FABP12: variants seen among roughly 807,000 people sequenced by gnomAD.
FABP12 encodes fatty acid-binding protein 12.
Under a neutral mutation model 13.7 loss-of-function variants are expected in FABP12, and 19 were observed. That is an observed-to-expected ratio of 1.39 (90% CI 0.97 to 2.04). The LOEUF (loss-of-function observed/expected upper bound fraction) is 2.04, where lower values mean the gene tolerates loss of function less well. Among genes scored for constraint, FABP12 ranks in the 30% most tolerant of loss-of-function variants. The pLI, the probability that FABP12 is intolerant of heterozygous loss-of-function variation, is 0.00. For missense variants in FABP12, 182 were observed against 164.2 expected, an observed-to-expected ratio of 1.11 and a Z score of -0.59; for synonymous variants, 61 against 57.0, an observed-to-expected ratio of 1.07 and a Z score of -0.32.
chr8:81,533,538 C>T (rs1358636492), intron 1 of FABP12, among the ~76,000 whole-genome samples: 14 of 152,186 alleles, frequency 9.2e-5, no homozygotes, highest in Admixed American at 9.2e-4. Context: ...AGGTGCATGA[C>T]TCTGAGCTTT....
At chr8:81,548,511 G>A (rs1236154512) in intron 1 of FABP12, among the ~76,000 whole-genome samples, 1 of 152,146 alleles carries the variant, frequency 6.6e-6, no homozygotes, top group African/African-American at 2.4e-5. Flanking sequence ...AGGGAATGTC[G>A]AGGGGCCACT....
intron 1 of FABP12, among the ~76,000 whole-genome samples, chr8:81,572,364 C>T (rs568000026): frequency 1.3e-5 from 2 of 152,244 alleles, no homozygotes; most frequent in African/African-American, 4.8e-5. Context: ...GATTGATGGG[C>T]ATTTGGGTTT....
At chr8:81,584,990 G>C (rs1323315930) in intron 1 of FABP12, among the ~76,000 whole-genome samples, 3 of 152,104 alleles carry the variant, frequency 2.0e-5, no homozygotes, top group Non-Finnish European at 2.9e-5. Context: ...TAAATCCCTT[G>C]TCAGATGGAT....
intron 1 of FABP12, among the ~76,000 whole-genome samples, chr8:81,567,841 G>GCAA (rs1809855682): frequency 6.6e-6 from 1 of 152,214 alleles, no homozygotes; most frequent in African/African-American, 2.4e-5. Context: ...TTTCCACACG[G>GCAA]CCGGGCGCGG....
rs369124894 is a variant in FABP12, at chr8:81,529,577, A to C, written c.107T>G (p.Leu36Trp). 4.9e-5 allele frequency: 79 copies of C among 1,613,932 alleles called. 1 individual carries two copies. The South Asian group carries it at 7.9e-4, about 16-fold the overall frequency. Residue 36 changes from leucine to tryptophan, a missense_variant, in exon 3 of 5, where the codon TTG becomes TGG. Coordinates refer to ENST00000360464, the Ensembl canonical transcript of FABP12. ...ACTGATGGTCACAGTGGGTTTTGCC[A>C]AACGGCCCAGTTTCCTGCTGGCTCT...
At chr8:81,531,886 G>T (rs1052384803) in intron 1 of FABP12, among the ~76,000 whole-genome samples, 4 of 151,806 alleles carry the variant, frequency 2.6e-5, no homozygotes, top group African/African-American at 4.8e-5. Context: ...TGTGCACAAT[G>T]AAAAAGAGAA....
At chr8:81,577,577 G>A (rs2130092800) in intron 1 of FABP12, among the ~76,000 whole-genome samples, 1 of 152,154 alleles carries the variant, frequency 6.6e-6, no homozygotes, top group Admixed American at 6.5e-5. Flanking sequence ...TGGTCAACAG[G>A]GCAAAACCTT....
At chr8:81,565,705 G>A (rs114273162) in intron 1 of FABP12, among the ~76,000 whole-genome samples, 2,183 of 152,040 alleles carry the variant, frequency 0.014, 43 homozygotes, top group African/African-American at 0.049. Flanking sequence ...ATCAGTATAA[G>A]CACCTACATC....
chr8:81,567,996 T>G (rs927326867), intron 1 of FABP12, among the ~76,000 whole-genome samples: 33 of 151,848 alleles, frequency 2.2e-4, no homozygotes, highest in Admixed American at 1.6e-3. Flanking sequence ...GGTGGCGGGC[T>G]CCTGTAGTCC....
chr8:81,555,273 A>G (rs906482575), intron 1 of FABP12, among the ~76,000 whole-genome samples: 1 of 152,214 alleles, frequency 6.6e-6, no homozygotes, highest in Admixed American at 6.5e-5. Flanking sequence ...ACAGGAGAGA[A>G]CAAGACAAAG....
At chr8:81,554,393 G>C (rs1809573374) in intron 1 of FABP12, among the ~76,000 whole-genome samples, 1 of 152,140 alleles carries the variant, frequency 6.6e-6, no homozygotes. Flanking sequence ...AGAGATTGTG[G>C]GGGATTTTCC....
intron 1 of FABP12, among the ~76,000 whole-genome samples, chr8:81,585,291 T>C (rs1810225101): frequency 1.3e-5 from 2 of 152,202 alleles, no homozygotes; most frequent in African/African-American, 4.8e-5. Flanking sequence ...CTATTTTTAT[T>C]CTTCTGCATA....
chr8:81,531,327 T>C (rs374675729), exon 2 of FABP12: 9 of 1,584,684 alleles, frequency 5.7e-6, no homozygotes, highest in Admixed American at 5.3e-5. Context: ...CTGTCTGAGA[T>C]AAGTTGATCT....
intron 1 of FABP12, chr8:81,533,402 C>A (rs1182941126): frequency 6.6e-6 from 1 of 152,384 alleles, no homozygotes; most frequent in African/African-American, 2.4e-5. Context: ...ACCAAACATT[C>A]TTGTCTGCAA....
intron 1 of FABP12, among the ~76,000 whole-genome samples, chr8:81,582,833 A>T (rs570697709): frequency 6.6e-6 from 1 of 152,232 alleles, no homozygotes; most frequent in Non-Finnish European, 1.5e-5. Context: ...TATTGGATTT[A>T]AACTGAACAT....
intron 1 of FABP12, among the ~76,000 whole-genome samples, chr8:81,560,452 G>GT (rs568375359): frequency 3.8e-4 from 57 of 151,946 alleles, no homozygotes; most frequent in South Asian, 1.0e-3. Context: ...CTTTTTTTCT[G>GT]TTTTTTGTGA....
intron 1 of FABP12, among the ~76,000 whole-genome samples, chr8:81,543,831 A>G (rs1439392753): frequency 2.0e-5 from 3 of 152,220 alleles, no homozygotes; most frequent in Non-Finnish European, 2.9e-5. Flanking sequence ...TTAAGAGTTC[A>G]TATCAGAAAT....
At chr8:81,586,677 T>G (rs960844470) in intron 1 of FABP12, among the ~76,000 whole-genome samples, 1 of 152,190 alleles carries the variant, frequency 6.6e-6, no homozygotes, top group African/African-American at 2.4e-5. Flanking sequence ...TTTGCCCACT[T>G]TTTTAATGGG....
rs138513473 is a variant in FABP12, at chr8:81,587,154, G to C, written c.-185+2899C>G. On this transcript the variant is annotated intron_variant, in intron 1 of 5. Coordinates refer to the FABP12 transcript ENST00000692030. ...TCTGACTTGTTACATTGGTCTATGT[G>C]TCTGTTTTTGGACCAGTACCATGCT... Among the ~76,000 whole-genome samples the C allele has an allele frequency of 6.4e-4, 98 of 152,234 alleles. 1 individual carries two copies. The highest frequency in any genetic ancestry group is 6.8e-3 in the Middle Eastern group (2 of 294).
Sources: allele counts gnomAD v4.1 joint callset (sites outside exome capture counted in the v4.1 genomes callset), GRCh38; gene constraint gnomAD v4.1.1; transcripts MANE v1.5; gene names NCBI Gene and HGNC (gene_info 2026-07-23, HGNC 2026-07-21).